CNOT6L: variants seen among roughly 807,000 people sequenced by gnomAD.
CNOT6L encodes CCR4-NOT transcription complex subunit 6 like, also known as CCR4-NOT transcription complex subunit 6-like.
In CNOT6L, 7 loss-of-function variants were observed where a neutral mutation model predicts 64.0. That is an observed-to-expected ratio of 0.11 (90% CI 0.06 to 0.21). CNOT6L has a LOEUF of 0.21. CNOT6L is among the 10% of genes least tolerant of loss of function. The pLI is 1.00. For missense variants in CNOT6L, 245 were observed against 669.0 expected (o/e 0.37, Z 6.99); for synonymous variants, 193 against 243.4 (o/e 0.79, Z 1.93).
chr4:77,796,320 T>C (rs747100638), intron 1 of CNOT6L, among the ~76,000 whole-genome samples: 12 of 152,138 alleles, frequency 7.9e-5, no homozygotes, highest in Non-Finnish European at 1.6e-4. Context: ...TCAAATATCA[T>C]CTCAAATTGC....
At chr4:77,813,540 T>A (rs953945666) in intron 1 of CNOT6L, among the ~76,000 whole-genome samples, 2 of 152,056 alleles carry the variant, frequency 1.3e-5, no homozygotes, top group Non-Finnish European at 2.9e-5. Flanking sequence ...ATCTAGAGTA[T>A]AAAAAAGACT....
intron 4 of CNOT6L, among the ~76,000 whole-genome samples, chr4:77,759,543 C>T (rs945543771): frequency 6.7e-6 from 1 of 150,178 alleles, no homozygotes; most frequent in South Asian, 2.1e-4. Context: ...CCAGCCTGGG[C>T]GACACAGCGT....
chr4:77,772,792 G>A (rs935866700), intron 4 of CNOT6L, among the ~76,000 whole-genome samples: 1 of 152,020 alleles, frequency 6.6e-6, no homozygotes, highest in African/African-American at 2.4e-5. Flanking sequence ...GCATGGTGGC[G>A]AGCGCCTGTA....
At chr4:77,812,985 T>A (rs1316114658) in intron 1 of CNOT6L, among the ~76,000 whole-genome samples, 1 of 152,154 alleles carries the variant, frequency 6.6e-6, no homozygotes, top group Non-Finnish European at 1.5e-5. Context: ...ACCATACTAG[T>A]ATAAGGATAA....
chr4:77,812,557 A>T (rs571243002), intron 1 of CNOT6L, among the ~76,000 whole-genome samples: 2 of 151,784 alleles, frequency 1.3e-5, no homozygotes, highest in East Asian at 3.9e-4. Flanking sequence ...AACCCCCCAA[A>T]TTTTTTTTAA....
At chr4:77,817,412 T>C (rs2110199441) in intron 1 of CNOT6L, among the ~76,000 whole-genome samples, 2 of 152,322 alleles carry the variant, frequency 1.3e-5, no homozygotes, top group East Asian at 3.9e-4. Flanking sequence ...TAATTAATCA[T>C]ATTTGTGTTT....
At chr4:77,795,849 G>A (rs988355519) in intron 1 of CNOT6L, among the ~76,000 whole-genome samples, 1 of 152,018 alleles carries the variant, frequency 6.6e-6, no homozygotes, top group African/African-American at 2.4e-5. Context: ...AATAAATGAA[G>A]ACATACCTTA....
Position 77,716,717 on chromosome 4 carries a change from A to G in CNOT6L, c.*3714T>C, listed in dbSNP as rs1720786165. ...CCCTTGCTTCTCTGTGATTTAATAT[A>G]TAACTTTAAGACACCAAAAAAATAG... is the stretch of plus-strand genomic sequence containing the variant. On this transcript the variant is annotated 3_prime_UTR_variant, in exon 12 of 12. Coordinates refer to ENST00000504123, the MANE Select transcript of CNOT6L (RefSeq NM_144571.3). The G allele has an allele frequency of 6.6e-6, 1 of 152,550 alleles. No individual in the cohort carries two copies. Among genetic ancestry groups the G allele is most frequent in the Admixed American group, 6.6e-5 (1 of 15,246 alleles). 9.4% of individuals were successfully genotyped at this position (152,550 alleles called of 1,614,324 possible).
At chr4:77,806,111 C>A (rs1316950451) in intron 1 of CNOT6L, among the ~76,000 whole-genome samples, 1 of 152,026 alleles carries the variant, frequency 6.6e-6, no homozygotes, top group African/African-American at 2.4e-5. Flanking sequence ...TGGTGAATAC[C>A]TCAACTAGAT....
intron 5 of CNOT6L, among the ~76,000 whole-genome samples, chr4:77,751,113 A>G (rs949753963): frequency 6.6e-6 from 1 of 152,230 alleles, no homozygotes; most frequent in Non-Finnish European, 1.5e-5. Context: ...AGATTTTAGA[A>G]CAGCCATCAT....
chr4:77,792,509 T>G (rs1007824011), intron 1 of CNOT6L, among the ~76,000 whole-genome samples: 4 of 152,080 alleles, frequency 2.6e-5, no homozygotes, highest in Admixed American at 2.0e-4. Context: ...GCAGATGACC[T>G]GAGGTCAGGA....
Position 77,726,351 on chromosome 4 carries a change from C to T in CNOT6L, c.1271G>A (p.Ser424Asn). The T allele has an allele frequency of 2.5e-6, 4 of 1,612,788 alleles. No individual in the cohort carries two copies. Among genetic ancestry groups the T allele is most frequent in the Non-Finnish European group, 8.5e-7 (1 of 1,179,008 alleles). ...LPDSGVVEYLSNGGVADNHKD... is the reference protein window; with the variant it reads ...LPDSGVVEYLNNGGVADNHKD... ...ATGGTTGTCAGCTACTCCTCCATTG[C>T]TTAAGTATTCCACAACACCTGGTAG... Residue 424 changes from serine (S) to asparagine (N), a missense_variant, in exon 11 of 12, where the codon AGC becomes AAC. Coordinates refer to ENST00000504123, the MANE Select transcript of CNOT6L (RefSeq NM_144571.3).
At chr4:77,804,029 T>G (rs964392470) in intron 1 of CNOT6L, among the ~76,000 whole-genome samples, 1 of 152,110 alleles carries the variant, frequency 6.6e-6, no homozygotes, top group Non-Finnish European at 1.5e-5. Context: ...CACTCTTAGG[T>G]ATACACCCAA....
chr4:77,802,760 A>C (rs1731737476), intron 1 of CNOT6L, among the ~76,000 whole-genome samples: 1 of 152,242 alleles, frequency 6.6e-6, no homozygotes, highest in Non-Finnish European at 1.5e-5. Context: ...GGAAGGTGAG[A>C]TACAGAGAAG....
intron 5 of CNOT6L, among the ~76,000 whole-genome samples, chr4:77,753,858 TAATA>T (rs1176545994): frequency 6.6e-6 from 1 of 150,468 alleles, no homozygotes; most frequent in Non-Finnish European, 1.5e-5. Context: ...CTACTCATCT[TAATA>T]AAGAAAAGCA....
chr4:77,769,862 G>A (rs1460243656), intron 4 of CNOT6L, among the ~76,000 whole-genome samples: 1 of 152,104 alleles, frequency 6.6e-6, no homozygotes, highest in Non-Finnish European at 1.5e-5. Flanking sequence ...ATATTTTTAT[G>A]ACCTGGGACA....
At chr4:77,780,677 A>G (rs1465917815) in intron 1 of CNOT6L, among the ~76,000 whole-genome samples, 2 of 152,234 alleles carry the variant, frequency 1.3e-5, no homozygotes, top group African/African-American at 4.8e-5. Flanking sequence ...CTTACATTAA[A>G]AAGTTTTAAT....
intron 1 of CNOT6L, among the ~76,000 whole-genome samples, chr4:77,818,626 A>G (rs2110203429): frequency 6.6e-6 from 1 of 152,310 alleles, no homozygotes; most frequent in East Asian, 1.9e-4. Flanking sequence ...CGGCCGGGCG[A>G]AGGCTTGCAG....
chr4:77,762,621 T>A (rs950928954), intron 4 of CNOT6L, among the ~76,000 whole-genome samples: 2 of 152,176 alleles, frequency 1.3e-5, no homozygotes, highest in African/African-American at 4.8e-5. Context: ...TTTGCCTTCA[T>A]TTCTATTGTT....
Sources: allele counts gnomAD v4.1 joint callset (sites outside exome capture counted in the v4.1 genomes callset), GRCh38; gene constraint gnomAD v4.1.1; transcripts MANE v1.5; gene names NCBI Gene and HGNC (gene_info 2026-07-23, HGNC 2026-07-21).